Variants in RBFOX1 observed in about 807,000 individuals in gnomAD.
RBFOX1 encodes RNA binding protein fox-1 homolog 1.
A neutral mutation model predicts 57.7 loss-of-function variants in RBFOX1; 8 were observed. The observed-to-expected ratio is 0.14, with a 90% CI of 0.08 to 0.25. RBFOX1 has a LOEUF of 0.25. RBFOX1 is among the 10% of genes least tolerant of loss of function. RBFOX1 has a pLI of 1.00. For synonymous variants in RBFOX1, 326 were observed against 222.4 expected (o/e 1.47, Z -4.15); for missense variants, 611 against 548.5 (o/e 1.11, Z -1.14).
intron 3 of RBFOX1, among the ~76,000 whole-genome samples, chr16:6,877,456 CT>C (rs1468520283): frequency 6.6e-6 from 1 of 152,116 alleles, no homozygotes; most frequent in Non-Finnish European, 1.5e-5. Context: ...AGTGGGGAAG[CT>C]TGACTTCTGC....
At chr16:6,924,972 A>G (rs903822363) in intron 3 of RBFOX1, among the ~76,000 whole-genome samples, 2 of 151,524 alleles carry the variant, frequency 1.3e-5, no homozygotes, top group African/African-American at 2.4e-5. Context: ...TTTGCTGAGA[A>G]TGATGGTTTC....
intron 1 of RBFOX1, among the ~76,000 whole-genome samples, chr16:6,071,937 A>G (rs2095842782): frequency 1.3e-5 from 2 of 152,230 alleles, no homozygotes; most frequent in South Asian, 4.1e-4. Context: ...GCTGAATAAT[A>G]TTCCATTGTA....
chr16:7,655,883 C>G (rs1041928143), intron 12 of RBFOX1, among the ~76,000 whole-genome samples: 5 of 152,134 alleles, frequency 3.3e-5, no homozygotes, highest in Non-Finnish European at 5.9e-5. Flanking sequence ...GCTGTAAAAT[C>G]AAAATTAAAT....
At position 5,858,542 on chromosome 16, in the gene RBFOX1, C is replaced by T. The variant is rs57268620; in HGVS notation, c.319-8761C>T. ...TTCTGCCTCTTGCTCCTCTCAAAAT[C>T]GTCTGCAAGATAGACCTAAGGCAGT... On this transcript the variant is annotated intron_variant, in intron 3 of 19. Coordinates refer to the RBFOX1 transcript ENST00000641259. Among the ~76,000 whole-genome samples the T allele has an allele frequency of 8.0e-3, 1,219 of 152,284 alleles. 20 individuals carry two copies. Among genetic ancestry groups the T allele is most frequent in the African/African-American group, 0.028 (1,180 of 41,560 alleles).
At chr16:5,502,033 A>G (rs1431960151) in intron 2 of RBFOX1, among the ~76,000 whole-genome samples, 2 of 151,528 alleles carry the variant, frequency 1.3e-5, no homozygotes, top group Non-Finnish European at 2.9e-5. Context: ...CACTATTATT[A>G]TTATTATTAT....
chr16:7,239,266 A>C (rs373343013), intron 4 of RBFOX1, among the ~76,000 whole-genome samples: 7 of 152,274 alleles, frequency 4.6e-5, no homozygotes, highest in East Asian at 3.9e-4. Context: ...TAGGAGGCCA[A>C]GGAGGGTAGA....
At chr16:5,893,633 C>T (rs140243763) in intron 4 of RBFOX1, among the ~76,000 whole-genome samples, 1 of 151,988 alleles carries the variant, frequency 6.6e-6, no homozygotes, top group Non-Finnish European at 1.5e-5. Flanking sequence ...GTGGCAAAAC[C>T]CCGTCTCCAC....
chr16:7,059,499 C>T (rs534318674), intron 4 of RBFOX1, among the ~76,000 whole-genome samples: 8 of 152,198 alleles, frequency 5.3e-5, no homozygotes, highest in Admixed American at 4.6e-4. Context: ...ACCTCACAGC[C>T]TAGTGGAAAA....
At chr16:6,725,089 C>T (rs1039583262) in intron 3 of RBFOX1, among the ~76,000 whole-genome samples, 4 of 127,746 alleles carry the variant, frequency 3.1e-5, no homozygotes, top group South Asian at 2.7e-4. Context: ...CTTGCTCTGT[C>T]GCCCTTGCTG....
At chr16:5,536,852 C>G (rs1567205395) in intron 2 of RBFOX1, among the ~76,000 whole-genome samples, 1 of 152,164 alleles carries the variant, frequency 6.6e-6, no homozygotes, top group Non-Finnish European at 1.5e-5. Flanking sequence ...GCATCTGTAC[C>G]TGTACCATAC....
At chr16:6,153,769 C>T (rs2096818599) in intron 1 of RBFOX1, among the ~76,000 whole-genome samples, 1 of 152,172 alleles carries the variant, frequency 6.6e-6, no homozygotes. Flanking sequence ...CTCCTGACCT[C>T]AGGTGATCTG....
At chr16:5,838,618 A>T (rs983632353) in intron 3 of RBFOX1, 1 of 158,194 alleles carries the variant, frequency 6.3e-6, no homozygotes, top group African/African-American at 2.4e-5. Flanking sequence ...ACTTTGGGAC[A>T]TCCATGTTAG....
chr16:7,112,784 T>G (rs1275608569), intron 4 of RBFOX1, among the ~76,000 whole-genome samples: 1 of 151,858 alleles, frequency 6.6e-6, no homozygotes, highest in Non-Finnish European at 1.5e-5. Context: ...TTCTGCAGTT[T>G]GTTAGTTGTG....
At chr16:6,961,011 G>T (rs2082864303) in intron 3 of RBFOX1, among the ~76,000 whole-genome samples, 1 of 149,958 alleles carries the variant, frequency 6.7e-6, no homozygotes, top group African/African-American at 2.5e-5. Flanking sequence ...GGGCATGGTG[G>T]CCAGCAACTA....
intron 2 of RBFOX1, among the ~76,000 whole-genome samples, chr16:6,649,268 G>C (rs2098557471): frequency 6.6e-6 from 1 of 152,178 alleles, no homozygotes; most frequent in African/African-American, 2.4e-5. Context: ...ACAGTGACAG[G>C]CTTTCCTTCT....
chr16:5,625,646 C>T (rs2048328876), intron 3 of RBFOX1, among the ~76,000 whole-genome samples: 1 of 151,938 alleles, frequency 6.6e-6, no homozygotes, highest in African/African-American at 2.4e-5. Flanking sequence ...CAACCTCCGC[C>T]TCCTGGGTTC....
chr16:5,301,348 G>A (rs189912185), intron 1 of RBFOX1, among the ~76,000 whole-genome samples: 2 of 152,148 alleles, frequency 1.3e-5, no homozygotes, highest in South Asian at 2.1e-4. Flanking sequence ...GGCTAGGTGC[G>A]GTGGCTCATG....
At chr16:6,786,565 A>G (rs142525931) in intron 3 of RBFOX1, among the ~76,000 whole-genome samples, 2 of 152,128 alleles carry the variant, frequency 1.3e-5, no homozygotes, top group East Asian at 3.9e-4. Flanking sequence ...AAGCCAAAAA[A>G]CCTCTCCAAA....
At chr16:7,086,769 G>A (rs546756734) in intron 4 of RBFOX1, among the ~76,000 whole-genome samples, 1 of 81,054 alleles carries the variant, frequency 1.2e-5, no homozygotes, top group Non-Finnish European at 2.5e-5. Flanking sequence ...TAATGAGGGC[G>A]TGTGTATCAT....
Sources: gnomAD v4.1 joint callset for allele counts (sites outside exome capture counted in the v4.1 genomes callset) on GRCh38, gnomAD v4.1.1 for gene constraint, MANE v1.5 for transcripts, NCBI Gene and HGNC (gene_info 2026-07-23, HGNC 2026-07-21) for gene names.